The following AAK1 variants were observed in gnomAD, a reference collection of about 807,000 sequenced individuals.
AAK1 encodes the protein AP2-associated protein kinase 1.
In AAK1, 37 loss-of-function variants were observed where a neutral mutation model predicts 116.0. That is an observed-to-expected ratio of 0.32 (90% CI 0.25 to 0.42). The LOEUF (loss-of-function observed/expected upper bound fraction) is 0.42, where lower values mean the gene tolerates loss of function less well. Ranked by LOEUF, AAK1 falls within the 10% of genes least tolerant of loss-of-function variation. The pLI is 1.00. For missense variants in AAK1, 919 were observed against 1,170.6 expected (o/e 0.79, Z 3.14); for synonymous variants, 458 against 439.9 (o/e 1.04, Z -0.51).
rs189521858 is a variant in AAK1, at chr2:69,476,105, T to C, written c.2792-142A>G. On this transcript the variant is annotated intron_variant, in intron 21 of 21. Transcript: ENST00000409085. Reference sequence around the variant, plus strand: ...AAAAAACCAAACCCTAGAGAAGCAATATTTTACATTTGCAAACCCTTACAC... The same window carrying C: ...AAAAAACCAAACCCTAGAGAAGCAACATTTTACATTTGCAAACCCTTACAC... 485 of 1,430,970 alleles carry C rather than the reference T, an allele frequency of 3.4e-4. 2 individuals carry two copies. Among genetic ancestry groups the C allele is most frequent in the Middle Eastern group, 4.9e-4 (2 of 4,108 alleles). The allele number at this position is 1,430,970 out of a possible 1,614,324, so 88.6% of individuals were successfully genotyped here.
intron 16 of AAK1, among the ~76,000 whole-genome samples, chr2:69,505,332 T>C (rs1676142725): frequency 1.3e-5 from 2 of 152,218 alleles, no homozygotes; most frequent in South Asian, 4.1e-4. Context: ...ACTGCCAGAC[T>C]GTCCTGCCAC....
intron 7 of AAK1, among the ~76,000 whole-genome samples, chr2:69,530,401 T>C (rs1314394499): frequency 2.0e-5 from 3 of 152,188 alleles, no homozygotes; most frequent in African/African-American, 4.8e-5. Context: ...AACATATACA[T>C]GAAAAAAAAT....
At chr2:69,503,998 TAAA>T (rs11461187) in intron 16 of AAK1, among the ~76,000 whole-genome samples, 5 of 136,018 alleles carry the variant, frequency 3.7e-5, no homozygotes, top group African/African-American at 8.1e-5. Context: ...AAATTCCGTC[TAAA>T]AAAAAAAAAA....
chr2:69,497,426 C>G (rs376873675), intron 16 of AAK1, among the ~76,000 whole-genome samples: 1 of 151,128 alleles, frequency 6.6e-6, no homozygotes, highest in Admixed American at 6.6e-5. Context: ...CTCAGCCTCC[C>G]GAGTAGCTGG....
At chr2:69,622,025 C>G (rs997444571) in intron 2 of AAK1, among the ~76,000 whole-genome samples, 2 of 152,242 alleles carry the variant, frequency 1.3e-5, no homozygotes, top group African/African-American at 4.8e-5. Flanking sequence ...TGTGGGAGCC[C>G]CTTTCTGGGC....
At chr2:69,540,393 T>C (rs1022133646) in intron 5 of AAK1, among the ~76,000 whole-genome samples, 1 of 152,204 alleles carries the variant, frequency 6.6e-6, no homozygotes, top group Non-Finnish European at 1.5e-5. Context: ...AGTGCTGGGA[T>C]TATAGGCATG....
chr2:69,637,184 C>G (rs891680442), intron 2 of AAK1, among the ~76,000 whole-genome samples: 9 of 152,192 alleles, frequency 5.9e-5, no homozygotes, highest in African/African-American at 1.7e-4. Flanking sequence ...CTACCTTGTC[C>G]ATCTAGCAAT....
chr2:69,493,578 TACTC>T (rs1294935959), intron 17 of AAK1, among the ~76,000 whole-genome samples: 1 of 152,142 alleles, frequency 6.6e-6, no homozygotes, highest in Non-Finnish European at 1.5e-5. Flanking sequence ...GATCTGTAAA[TACTC>T]ACTAAGTGAA....
chr2:69,626,050 G>T (rs1442746654), intron 2 of AAK1, among the ~76,000 whole-genome samples: 1 of 152,014 alleles, frequency 6.6e-6, no homozygotes, highest in Non-Finnish European at 1.5e-5. Context: ...GTCAGTGAAT[G>T]AAGTACCCTT....
At position 69,595,731 on chromosome 2, in the gene AAK1, T is replaced by C. The variant is rs569295979; in HGVS notation, c.164-38753A>G. ...ATCTAGATAAGACCATTGATGAAGGTGGCTTCACTAAACAACAGATTCTCA... is the reference window on the plus strand; with the variant it reads ...ATCTAGATAAGACCATTGATGAAGGCGGCTTCACTAAACAACAGATTCTCA... On this transcript the variant is annotated intron_variant, in intron 2 of 21. Transcript: ENST00000409085. Among the ~76,000 whole-genome samples, 16 of 152,332 alleles carry C rather than the reference T, an allele frequency of 1.1e-4. No homozygotes were observed. The East Asian group carries it at 3.1e-3, about 29-fold the overall frequency.
intron 3 of AAK1, among the ~76,000 whole-genome samples, chr2:69,551,604 C>T (rs920952350): frequency 6.6e-6 from 1 of 152,202 alleles, no homozygotes; most frequent in Non-Finnish European, 1.5e-5. Context: ...AGGATGTAAT[C>T]CATCTGGGCC....
intron 2 of AAK1, among the ~76,000 whole-genome samples, chr2:69,622,127 G>T (rs575586362): frequency 6.6e-6 from 1 of 152,240 alleles, no homozygotes; most frequent in Non-Finnish European, 1.5e-5. Context: ...GCGCCTGTGG[G>T]CCAGCGCCAG....
intron 2 of AAK1, among the ~76,000 whole-genome samples, chr2:69,602,597 A>G (rs1320499837): frequency 6.6e-6 from 1 of 152,182 alleles, no homozygotes; most frequent in Non-Finnish European, 1.5e-5. Context: ...ATTATTTCAA[A>G]ATGAAATTTT....
chr2:69,643,192 G>A lies in AAK1; in HGVS notation c.-152C>T, dbSNP rs891870127. ...ATCCGGCCGTGGGGGTGGGGGCTGA[G>A]GGAGGATGCCTATAGGAATATGCGT... is the stretch of plus-strand genomic sequence containing the variant. On this transcript the variant is annotated 5_prime_UTR_variant, in exon 2 of 22. Transcript: ENST00000409085. 1 of 1,433,854 alleles carries A rather than the reference G, an allele frequency of 7.0e-7. No individual in the cohort carries two copies. Among genetic ancestry groups the A allele is most frequent in the South Asian group, 1.6e-5 (1 of 64,246 alleles). 88.8% of individuals were successfully genotyped at this position (1,433,854 alleles called of 1,614,324 possible).
chr2:69,619,940 G>T (rs1232578719), intron 2 of AAK1, among the ~76,000 whole-genome samples: 1 of 152,188 alleles, frequency 6.6e-6, no homozygotes, highest in African/African-American at 2.4e-5. Flanking sequence ...GCCACAGCAG[G>T]ATTTACAGTT....
chr2:69,594,897 A>T (rs1478271707), intron 2 of AAK1: 24 of 1,511,194 alleles, frequency 1.6e-5, no homozygotes, highest in Non-Finnish European at 2.2e-5. Flanking sequence ...TTTTCCAGAA[A>T]ATCGGCTTAG....
chr2:69,579,080 T>C (rs1672437508), intron 2 of AAK1, among the ~76,000 whole-genome samples: 1 of 152,136 alleles, frequency 6.6e-6, no homozygotes, highest in Non-Finnish European at 1.5e-5. Context: ...ACCACCCCTT[T>C]CCTCTCTTTT....
intron 14 of AAK1, among the ~76,000 whole-genome samples, chr2:69,508,540 T>C (rs771127436): frequency 1.2e-4 from 18 of 152,258 alleles, no homozygotes; most frequent in Non-Finnish European, 1.0e-4. Flanking sequence ...TTTCCAAAGG[T>C]TGACTAAGAC....
At chr2:69,565,822 T>C (rs189661849) in intron 2 of AAK1, among the ~76,000 whole-genome samples, 129 of 151,990 alleles carry the variant, frequency 8.5e-4, no homozygotes, top group African/African-American at 3.0e-3. Context: ...AGTTAGAACC[T>C]GGGTGCACTA....
Sources: gnomAD v4.1 joint callset for allele counts (sites outside exome capture counted in the v4.1 genomes callset) on GRCh38, gnomAD v4.1.1 for gene constraint, MANE v1.5 for transcripts, NCBI Gene and HGNC (gene_info 2026-07-23, HGNC 2026-07-21) for gene names.